The following BLTP3A variants were observed in gnomAD, a reference collection of about 807,000 sequenced individuals.
BLTP3A encodes bridge-like lipid transfer protein family member 3A, also known as ICBP90 binding protein 1.
chr6:34,796,804 A>G, the BLTP3A span, among the ~76,000 whole-genome samples: 2 of 152,126 alleles, frequency 1.3e-5, no homozygotes, highest in East Asian at 1.9e-4. Context: ...CCCCGAGTTC[A>G]AGTGATTTTC....
chr6:34,811,165 C>T, the BLTP3A span, among the ~76,000 whole-genome samples: 27 of 152,196 alleles, frequency 1.8e-4, no homozygotes, highest in East Asian at 3.9e-3. Context: ...TGTTCAGGGA[C>T]GGGCTGACTC....
the BLTP3A span, chr6:34,867,207 G>T: frequency 6.3e-7 from 1 of 1,593,450 alleles, no homozygotes; most frequent in Non-Finnish European, 8.5e-7. Context: ...AAATTCATTT[G>T]TCCTCTTTTT....
At chr6:34,836,235 G>A in the BLTP3A span, 2 of 1,614,194 alleles carry the variant, frequency 1.2e-6, no homozygotes, top group Admixed American at 3.3e-5. Context: ...AACAGCAGCA[G>A]CAGCCGCCTC....
the BLTP3A span, among the ~76,000 whole-genome samples, chr6:34,842,820 TTCTC>T: frequency 1.3e-5 from 2 of 152,224 alleles, no homozygotes; most frequent in Middle Eastern, 3.4e-3. Flanking sequence ...TTAGAGGACT[TTCTC>T]TCAATCAGTT....
chr6:34,826,562 T>C, the BLTP3A span, among the ~76,000 whole-genome samples: 1,290 of 152,272 alleles, frequency 8.5e-3, 19 homozygotes, highest in African/African-American at 0.027. Flanking sequence ...CTCACCATAT[T>C]GCACAGGCTG....
At chr6:34,812,197 G>A in the BLTP3A span, among the ~76,000 whole-genome samples, 4 of 151,788 alleles carry the variant, frequency 2.6e-5, no homozygotes, top group East Asian at 7.8e-4. Flanking sequence ...GCATGGTGGC[G>A]GGTGCCTGTA....
chr6:34,855,923 A>G, the BLTP3A span: 1 of 985,008 alleles, frequency 1.0e-6, no homozygotes, highest in Non-Finnish European at 1.2e-6. Context: ...AGTAGGGGAG[A>G]TATCTAGTGC....
chr6:34,866,136 C>T, the BLTP3A span, among the ~76,000 whole-genome samples: 22 of 152,222 alleles, frequency 1.4e-4, 1 homozygote, highest in South Asian at 3.5e-3. Context: ...AAGAGAAGGC[C>T]GGCACAGTAC....
At chr6:34,832,441 CT>C in the BLTP3A span, among the ~76,000 whole-genome samples, 1 of 146,224 alleles carries the variant, frequency 6.8e-6, no homozygotes, top group Non-Finnish European at 1.5e-5. Context: ...TCTTCTTTTT[CT>C]TTTTTTTTTC....
At chr6:34,821,676 A>G in the BLTP3A span, 1 of 1,612,568 alleles carries the variant, frequency 6.2e-7, no homozygotes, top group Non-Finnish European at 8.5e-7. Flanking sequence ...CTTTCCCCAG[A>G]CAAAATCAAC....
At chr6:34,830,565 A>G in the BLTP3A span, among the ~76,000 whole-genome samples, 21 of 151,806 alleles carry the variant, frequency 1.4e-4, no homozygotes, top group African/African-American at 4.6e-4. Context: ...ACCCCAGCCT[A>G]GGTCACAGAG....
chr6:34,816,590 A>G, the BLTP3A span, among the ~76,000 whole-genome samples: 1 of 152,142 alleles, frequency 6.6e-6, no homozygotes, highest in Non-Finnish European at 1.5e-5. Flanking sequence ...TCCAGCTTGG[A>G]TGATAGAGTG....
At chr6:34,853,248 C>T in the BLTP3A span, among the ~76,000 whole-genome samples, 7 of 152,260 alleles carry the variant, frequency 4.6e-5, no homozygotes, top group South Asian at 1.4e-3. Context: ...TATGTGATCA[C>T]GGCTCACTGC....
the BLTP3A span, among the ~76,000 whole-genome samples, chr6:34,795,751 C>T: frequency 6.6e-6 from 1 of 152,080 alleles, no homozygotes; most frequent in Non-Finnish European, 1.5e-5. Context: ...CTTACACATT[C>T]CTTGGCGAAC....
At chr6:34,848,293 AAT>A in the BLTP3A span, among the ~76,000 whole-genome samples, 114 of 146,524 alleles carry the variant, frequency 7.8e-4, no homozygotes, top group African/African-American at 2.8e-3. Context: ...CAAAAAAAAA[AAT>A]AATAATAATC....
At chr6:34,860,735 A>C in the BLTP3A span, among the ~76,000 whole-genome samples, 1 of 152,344 alleles carries the variant, frequency 6.6e-6, no homozygotes, top group East Asian at 1.9e-4. Context: ...ACAAGATCAC[A>C]CAACTTGTGA....
chr6:34,829,515 T>A, the BLTP3A span, among the ~76,000 whole-genome samples: 10 of 152,232 alleles, frequency 6.6e-5, no homozygotes, highest in African/African-American at 2.4e-4. Context: ...ATTATGTTTG[T>A]GAGAGACATC....
the BLTP3A span, among the ~76,000 whole-genome samples, chr6:34,840,807 G>A: frequency 6.6e-6 from 1 of 151,278 alleles, no homozygotes; most frequent in Non-Finnish European, 1.5e-5. Flanking sequence ...TAGTAGAGAT[G>A]CAGTTTCACC....
the BLTP3A span, among the ~76,000 whole-genome samples, chr6:34,865,168 T>A: frequency 6.6e-6 from 1 of 152,318 alleles, no homozygotes; most frequent in African/African-American, 2.4e-5. Context: ...ACATTACACG[T>A]TCACTAACAT....
Sources: gnomAD v4.1 joint callset for allele counts (sites outside exome capture counted in the v4.1 genomes callset) on GRCh38, gnomAD v4.1.1 for gene constraint, MANE v1.5 for transcripts, NCBI Gene and HGNC (gene_info 2026-07-23, HGNC 2026-07-21) for gene names.